MOV10: variants seen among roughly 807,000 people sequenced by gnomAD.
The protein encoded by MOV10 is RNA helicase MOV-10.
In MOV10, 39 loss-of-function variants were observed where a neutral mutation model predicts 108.4. The observed-to-expected ratio is 0.36, with a 90% CI of 0.28 to 0.47. The LOEUF is 0.47. Among genes scored for constraint, MOV10 ranks in the 20% least tolerant of loss-of-function variants. The pLI, the probability that MOV10 is intolerant of heterozygous loss-of-function variation, is 1.00. For synonymous variants in MOV10, 490 were observed against 523.1 expected (o/e 0.94, Z 0.86); for missense variants, 952 against 1,297.6 (o/e 0.73, Z 4.09).
At chr1:112,698,607 A>T in intron 16 of MOV10, 108 bp from the exon 17 acceptor site, 1 of 1,445,374 alleles carries the variant, frequency 6.9e-7, no homozygotes, top group Non-Finnish European at 9.7e-7. Context: ...AAGAGCACCA[A>T]GGTCAGCTGC....
chr1:112,691,917 A>C, intron 6 of MOV10, 118 bp downstream of exon 6: 2 of 1,105,260 alleles, frequency 1.8e-6, no homozygotes, highest in Non-Finnish European at 2.6e-6. Context: ...TCCCTTACTG[A>C]GCACGCACCA....
intron 17 of MOV10, 158 bp downstream of exon 17, chr1:112,698,947 A>C: frequency 1.5e-6 from 1 of 667,840 alleles, no homozygotes; most frequent in South Asian, 1.8e-5. Context: ...ACTCCTGGAG[A>C]TTCCAACTTA....
intron 2 of MOV10, among the ~76,000 whole-genome samples, chr1:112,683,147 T>C (rs1255734419): frequency 1.3e-5 from 2 of 152,202 alleles, no homozygotes; most frequent in East Asian, 1.9e-4. Context: ...CTCGAACTCC[T>C]GACCTCAAGT....
chr1:112,675,137 G>A lies in MOV10; in HGVS notation c.137+88G>A, dbSNP rs920454007. 32 of 1,492,060 alleles carry A rather than the reference G, an allele frequency of 2.1e-5. No homozygotes were observed. Among genetic ancestry groups the A allele is most frequent in the Non-Finnish European group, 2.6e-5 (29 of 1,107,062 alleles). The allele number at this position is 1,492,060 out of a possible 1,614,324, so 92.4% of individuals were successfully genotyped here. ...CGAGGGCCACCTTTCCCGCCCCGGG[G>A]CGCAGAGGGACGCAGCTCCCCCAGC... is the stretch of plus-strand genomic sequence containing the variant. On this transcript the variant is annotated intron_variant, in intron 2 of 20. Transcript: ENST00000369645. This position sits in a 1 kb window ranked among gnomAD's most constrained non-coding sequence, Gnocchi z 4.7.
intron 2 of MOV10, among the ~76,000 whole-genome samples, chr1:112,676,903 C>T (rs911288180): frequency 9.8e-5 from 15 of 152,290 alleles, no homozygotes; most frequent in Non-Finnish European, 2.2e-4. Context: ...GAGTCTTTGT[C>T]AGCTCTAAAC....
At chr1:112,682,249 G>A (rs893437060) in intron 2 of MOV10, among the ~76,000 whole-genome samples, 6 of 152,042 alleles carry the variant, frequency 3.9e-5, no homozygotes, top group African/African-American at 1.5e-4. Flanking sequence ...TTTAAGTCAA[G>A]GTCTTGCTCC....
intron 5 of MOV10, among the ~76,000 whole-genome samples, chr1:112,690,977 C>T (rs934128207): frequency 6.6e-6 from 1 of 152,108 alleles, no homozygotes; most frequent in Admixed American, 6.6e-5. Context: ...TCACAAAATA[C>T]TGAGTTATAA....
At chr1:112,690,398 C>T (rs963642857) in intron 5 of MOV10, among the ~76,000 whole-genome samples, 10 of 152,080 alleles carry the variant, frequency 6.6e-5, no homozygotes, top group Admixed American at 2.0e-4. Flanking sequence ...CTTGCTCTGT[C>T]GCCCAGGCTG....
chr1:112,690,758 C>T (rs534487879), intron 5 of MOV10, among the ~76,000 whole-genome samples: 1 of 152,188 alleles, frequency 6.6e-6, no homozygotes, highest in South Asian at 2.1e-4. Flanking sequence ...TTAGTATATT[C>T]ACAAATATGT....
At chr1:112,691,906 T>G in intron 6 of MOV10, 107 bp downstream of exon 6, 1 of 1,260,446 alleles carries the variant, frequency 7.9e-7, no homozygotes, top group Non-Finnish European at 1.1e-6. Flanking sequence ...TATTCATTCA[T>G]TCCCTTACTG....
At position 112,675,099 on chromosome 1, in the gene MOV10, C is replaced by T. The variant is rs1176233908; in HGVS notation, c.137+50C>T. ...CCGAATCGCGGGCCCAGCTTGCTGC[C>T]ACGACCCCCGCGCGAGGGCCACCTT... On this transcript the variant is annotated intron_variant, in intron 2 of 20. Coordinates refer to ENST00000369645, the MANE Select transcript of MOV10 (RefSeq NM_001321324.2). This position sits in a 1 kb window ranked among gnomAD's most constrained non-coding sequence, Gnocchi z 4.7. The T allele has an allele frequency of 6.4e-7, 1 of 1,565,458 alleles. No homozygotes were observed. The highest frequency in any genetic ancestry group is 8.6e-7 in the Non-Finnish European group (1 of 1,160,246).
intron 2 of MOV10, among the ~76,000 whole-genome samples, chr1:112,682,880 T>A (rs548954796): frequency 3.9e-5 from 6 of 152,210 alleles, no homozygotes; most frequent in African/African-American, 1.2e-4. Flanking sequence ...TGGACAGTGT[T>A]TTTAGTTTGG....
At chr1:112,700,198 G>A (rs1237593730) in intron 19 of MOV10, 21 bp from the exon 20 acceptor site, 2 of 1,613,856 alleles carry the variant, frequency 1.2e-6, no homozygotes, top group Non-Finnish European at 1.7e-6. Context: ...GTCTCTGCTG[G>A]CACTCCTCTG....
intron 14 of MOV10, 65 bp from the exon 15 acceptor site, chr1:112,697,929 C>A: frequency 2.2e-6 from 3 of 1,369,946 alleles, no homozygotes; most frequent in Non-Finnish European, 3.1e-6. Context: ...GTGGGTAGAG[C>A]GGAGCCCCTG....
At chr1:112,685,736 G>A (rs1399536236) in intron 2 of MOV10, among the ~76,000 whole-genome samples, 1 of 151,612 alleles carries the variant, frequency 6.6e-6, no homozygotes, top group Non-Finnish European at 1.5e-5. Flanking sequence ...AAGGATTGGG[G>A]CTTTTTTCCG....
In MOV10 at chr1:112,694,594, G is replaced by T; in HGVS notation, c.1437G>T (p.Arg479=). 2.5e-6 allele frequency: 4 copies of T among 1,611,340 alleles called. No homozygotes were observed. Among genetic ancestry groups the T allele is most frequent in the Non-Finnish European group, 3.4e-6 (4 of 1,178,370 alleles). Reference sequence around the variant, plus strand: ...CCATGCTCTTTCCTGTGGCACCTCGGGACGTCCCGCTGCTGCCCTCAGATG... The same window carrying T: ...CCATGCTCTTTCCTGTGGCACCTCGTGACGTCCCGCTGCTGCCCTCAGATG... ...LWPMLFPVAP[R]DVPLLPSDVK... is the part of the protein sequence containing the mutation. The change falls in exon 9 of 21, where the codon CGG becomes CGT. Residue 479 remains arginine, a synonymous_variant. Coordinates refer to ENST00000369645, the MANE Select transcript of MOV10 (RefSeq NM_001321324.2). This position sits in a 1 kb window ranked among gnomAD's most constrained non-coding sequence, Gnocchi z 4.1.
chr1:112,699,440 G>A, intron 17 of MOV10: 1 of 1,359,870 alleles, frequency 7.4e-7, no homozygotes, highest in Non-Finnish European at 9.5e-7. Context: ...TCTTTGCAAT[G>A]CTGTTTTCTT....
intron 14 of MOV10, among the ~76,000 whole-genome samples, chr1:112,697,345 C>T (rs150787632): frequency 2.5e-3 from 379 of 152,246 alleles, no homozygotes; most frequent in Middle Eastern, 0.014. Flanking sequence ...TGACAGGCAC[C>T]TGTAATTCCA....
intron 2 of MOV10, among the ~76,000 whole-genome samples, chr1:112,687,604 T>C (rs2101331357): frequency 6.6e-6 from 1 of 152,266 alleles, no homozygotes; most frequent in Non-Finnish European, 1.5e-5. Flanking sequence ...TGCAAAACTG[T>C]CCATGATCTG....
Sources: gnomAD v4.1 joint callset for allele counts (sites outside exome capture counted in the v4.1 genomes callset) on GRCh38, gnomAD v4.1.1 for gene constraint, Gnocchi (gnomAD v3.1) non-coding constraint, MANE v1.5 for transcripts, NCBI Gene and HGNC (gene_info 2026-07-23, HGNC 2026-07-21) for gene names.